The following TAF1 variants were observed in gnomAD, a reference collection of about 807,000 sequenced individuals.
The protein encoded by TAF1 is transcription initiation factor TFIID subunit 1.
TAF1 carries 2 observed loss-of-function variants against 138.5 expected under a neutral mutation model. The observed-to-expected ratio is 0.01, with a 90% CI of 0.01 to 0.05. TAF1 has a LOEUF of 0.05. TAF1 is among the 10% of genes least tolerant of loss of function. TAF1 has a pLI of 1.00. For synonymous variants in TAF1, 437 were observed against 503.2 expected (o/e 0.87, Z 1.76); for missense variants, 709 against 1,478.0 (o/e 0.48, Z 8.53).
At chrX:71,430,861 A>G (rs1328456145) in intron 32 of TAF1, among the ~76,000 whole-genome samples, 1 of 111,148 alleles carries the variant, frequency 9.0e-6, no homozygotes, top group African/African-American at 3.3e-5. Context: ...AGGTGGTGCC[A>G]TTGACTAATA....
intron 21 of TAF1, 45 bp from the exon 22 acceptor site, chrX:71,394,022 C>G: frequency 8.8e-7 from 1 of 1,130,867 alleles, no homozygotes; most frequent in African/African-American, 1.8e-5. Flanking sequence ...TGCCTGCAAC[C>G]ATATTTCTTT....
In TAF1 at chrX:71,379,172, A is replaced by G. The variant is rs772299720; in HGVS notation, c.1360+141A>G. The stretch of plus-strand genomic sequence containing the variant: ...CTCTTGTTGCCCAGGATGGAGTGCA[A>G]TGGTGCAGTCTCGGCTCACTGCAAC... On this transcript the variant is annotated intron_variant, in intron 8 of 37. Coordinates refer to ENST00000423759, the MANE Select transcript of TAF1 (RefSeq NM_004606.5). 9.8e-6 allele frequency: 6 copies of G among 610,438 alleles called. No individual in the cohort carries two copies. In the South Asian group the frequency reaches 1.3e-4, roughly 13 times the overall value. 50.3% of individuals were successfully genotyped at this position (610,438 alleles called of 1,213,427 possible).
At position 71,377,785 on chromosome X, in the gene TAF1, A is replaced by G. The variant is rs201605104; in HGVS notation, c.897A>G (p.Pro299=). ...QKSLWNYDYA[P]PPPPEQCLSD... ...CTTTGTGGAACTACGACTACGCTCC[A>G]CCACCACCTCCAGAGCAGTGTCTCT... The change falls in exon 6 of 38, where the codon CCA becomes CCG. Residue 299 remains proline, a synonymous_variant. Transcript: ENST00000423759. 11 of 1,209,043 alleles carry G rather than the reference A, an allele frequency of 9.1e-6. No homozygotes were observed. Among genetic ancestry groups the G allele is most frequent in the Admixed American group, 2.2e-5 (1 of 45,481 alleles).
chrX:71,490,496 G>A (rs2039254967), intron 13 of TAF1, among the ~76,000 whole-genome samples: 2 of 108,654 alleles, frequency 1.8e-5, no homozygotes, highest in South Asian at 8.0e-4. Flanking sequence ...GCGCGATCTC[G>A]GCTCACTGCA....
chrX:71,433,179 A>G (rs1014193597), intron 32 of TAF1, among the ~76,000 whole-genome samples: 1 of 112,427 alleles, frequency 8.9e-6, no homozygotes, highest in African/African-American at 3.2e-5. Flanking sequence ...GAGGTGAAGC[A>G]GTTTTCAGTA....
At position 71,375,198 on chromosome X, in the gene TAF1, T is replaced by C; in HGVS notation, c.384T>C (p.Cys128=). ...DYDEDDYDAD[C]EDIDCKLMPP... ...ATGAAGATGACTATGATGCTGATTGTGAAGACATTGATTGCAAGTTGATGC... is the reference window on the plus strand; with the variant it reads ...ATGAAGATGACTATGATGCTGATTGCGAAGACATTGATTGCAAGTTGATGC... Residue 128 remains cysteine, a synonymous_variant, in exon 4 of 38, where the codon TGT becomes TGC. Coordinates refer to ENST00000423759, the MANE Select transcript of TAF1 (RefSeq NM_004606.5). 5 of 1,211,352 alleles carry C rather than the reference T, an allele frequency of 4.1e-6. No homozygotes were observed. The highest frequency in any genetic ancestry group is 5.6e-6 in the Non-Finnish European group (5 of 895,373).
rs1050958207 is a variant in TAF1 at position 71,424,607 on chromosome X, G to A, written c.4753+369G>A. Among the ~76,000 whole-genome samples, 15 of 110,287 alleles carry A rather than the reference G, an allele frequency of 1.4e-4. No individual in the cohort carries two copies. The Admixed American group carries it at 1.5e-3, about 11-fold the overall frequency. On this transcript the variant is annotated intron_variant, in intron 32 of 37. Transcript: ENST00000423759. Reference sequence around the variant, plus strand: ...GAGCAGTGATAGCAGAATCAATTGAGTGACCTAGTCTTTCTATTTATTTAT... The same window carrying A: ...GAGCAGTGATAGCAGAATCAATTGAATGACCTAGTCTTTCTATTTATTTAT...
At chrX:71,372,768 A>C (rs1374347271) in intron 3 of TAF1, among the ~76,000 whole-genome samples, 1 of 112,164 alleles carries the variant, frequency 8.9e-6, no homozygotes, top group Non-Finnish European at 1.9e-5. Flanking sequence ...TCTCAGGATA[A>C]TTCCTGTTTT....
chrX:71,508,066 T>TTCTCTCTCTCTC lies in TAF1; in HGVS notation c.1367-20466_1367-20455dup, dbSNP rs369650229. 2.9e-3 allele frequency among the ~76,000 whole-genome samples: 241 copies of TTCTCTCTCTCTC among 83,501 alleles called. 3 individuals are homozygous for TTCTCTCTCTCTC. The highest frequency in any genetic ancestry group is 0.01 in the African/African-American group (224 of 21,488). 72.5% of individuals were successfully genotyped at this position (83,501 alleles called of 115,157 possible). A position where few individuals can be genotyped will look rare whatever the true frequency, so the allele number is the denominator to read the frequency against. On this transcript the variant is annotated intron_variant and NMD_transcript_variant, in intron 13 of 14. Transcript: ENST00000373775. ...ACTTATATCTATACATATATGAATA[T>TTCTCTCTCTCTC]TCTCTCTCTCTCTCTCTCTCTATAT... is the stretch of plus-strand genomic sequence containing the variant.
chrX:71,425,626 C>G (rs149460195), intron 32 of TAF1, among the ~76,000 whole-genome samples: 55 of 111,339 alleles, frequency 4.9e-4, no homozygotes, highest in African/African-American at 1.8e-3. Flanking sequence ...TCCTGGGCAA[C>G]AGCAAGACCC....
chrX:71,389,257 T>C (rs1420827505), intron 17 of TAF1, among the ~76,000 whole-genome samples: 1 of 111,634 alleles, frequency 9.0e-6, no homozygotes, highest in East Asian at 2.8e-4. Context: ...AGCACAGAAT[T>C]CTTATAAGGC....
chrX:71,473,116 C>T (rs1602790385), intron 13 of TAF1, among the ~76,000 whole-genome samples: 1 of 111,954 alleles, frequency 8.9e-6, no homozygotes, highest in Non-Finnish European at 1.9e-5. Context: ...AGCATTTGCC[C>T]TCAAGTGTCA....
At chrX:71,441,200 G>A (rs1246510307) in intron 32 of TAF1, among the ~76,000 whole-genome samples, 1 of 110,098 alleles carries the variant, frequency 9.1e-6, no homozygotes, top group Non-Finnish European at 1.9e-5. Flanking sequence ...ATTTTCTTTG[G>A]TGAAGTGACT....
intron 28 of TAF1, among the ~76,000 whole-genome samples, chrX:71,419,687 AG>A (rs1217589055): frequency 9.0e-6 from 1 of 111,729 alleles, no homozygotes; most frequent in Non-Finnish European, 1.9e-5. Flanking sequence ...GGTGACAAGC[AG>A]AACAGTTTGG....
Position 71,460,749 on chromosome X carries a change from C to T in TAF1, c.5345C>T (p.Ser1782Phe). 8.3e-7 allele frequency: 1 copy of T among 1,204,336 alleles called. No individual in the cohort carries two copies. Among genetic ancestry groups the T allele is most frequent in the South Asian group, 1.8e-5 (1 of 55,621 alleles). ...ATGGAAAATGAAGAAAGCATGATGT[C>T]CTATGAGGGAGACGGTGGGGAGGCT... ...MDMENEESMMSYEGDGGEASH... is the reference protein window; with the variant it reads ...MDMENEESMMFYEGDGGEASH... The change falls in exon 37 of 38, where the codon TCC (serine) becomes TTC (phenylalanine). Residue 1782 changes from serine (S) to phenylalanine (F), a missense_variant. This residue lies in a region of TAF1 where 123 missense variants were observed against 174.7 expected (regional missense o/e 0.70). Transcript: ENST00000423759.
chrX:71,366,856 C>T (rs2032553375), intron 1 of TAF1, among the ~76,000 whole-genome samples: 1 of 111,412 alleles, frequency 9.0e-6, no homozygotes, highest in Non-Finnish European at 1.9e-5. Context: ...ACATCGCTGC[C>T]CTGAGATGGC....
intron 13 of TAF1, among the ~76,000 whole-genome samples, chrX:71,495,101 A>G (rs1225990421): frequency 8.9e-6 from 1 of 111,768 alleles, no homozygotes. Flanking sequence ...CACTCTAAAC[A>G]GGACACCCCA....
Position 71,368,228 on chromosome X carries a change from A to C in TAF1, c.352+58A>C, listed in dbSNP as rs1602425263. On this transcript the variant is annotated intron_variant, in intron 3 of 37. Coordinates refer to ENST00000423759, the MANE Select transcript of TAF1 (RefSeq NM_004606.5). ...AGTGCATTATCCTGCTGTATAGTCCAGTTTGGGCTCTGGTTTCTATACCCG... is the reference window on the plus strand; with the variant it reads ...AGTGCATTATCCTGCTGTATAGTCCCGTTTGGGCTCTGGTTTCTATACCCG... The C allele has an allele frequency of 2.7e-6, 3 of 1,123,053 alleles. No individual in the cohort carries two copies. In the East Asian group the frequency reaches 9.0e-5, roughly 34 times the overall value. The allele number at this position is 1,123,053 out of a possible 1,213,427, so 92.6% of individuals were successfully genotyped here. A position where few individuals can be genotyped will look rare whatever the true frequency, so the allele number is the denominator to read the frequency against.
At chrX:71,508,279 T>C (rs1262145545) in intron 13 of TAF1, among the ~76,000 whole-genome samples, 2 of 108,713 alleles carry the variant, frequency 1.8e-5, no homozygotes, top group Admixed American at 1.0e-4. Flanking sequence ...TGCGGGTGTT[T>C]TAAAGAATTA....
Sources: gnomAD v4.1 joint callset for allele counts (sites outside exome capture counted in the v4.1 genomes callset) on GRCh38, gnomAD v4.1.1 for gene constraint, gnomAD v4.1.1 regional missense constraint, MANE v1.5 for transcripts, NCBI Gene and HGNC (gene_info 2026-07-23, HGNC 2026-07-21) for gene names.